The following KIF13B variants were observed in gnomAD, a reference collection of about 807,000 sequenced individuals.
KIF13B encodes kinesin family member 13B.
A neutral mutation model predicts 222.0 loss-of-function variants in KIF13B; 127 were observed. That is an observed-to-expected ratio of 0.57 (90% CI 0.50 to 0.66). KIF13B has a LOEUF of 0.66. KIF13B is among the 30% of genes least tolerant of loss of function. The pLI is 0.00. For missense variants in KIF13B, 2,173 were observed against 2,379.0 expected (o/e 0.91, Z 1.80); for synonymous variants, 976 against 919.0 (o/e 1.06, Z -1.12).
intron 9 of KIF13B, 60 bp downstream of exon 9, chr8:29,177,406 T>C (rs1321392497): frequency 2.7e-6 from 3 of 1,097,656 alleles, no homozygotes; most frequent in East Asian, 4.7e-5. Flanking sequence ...TAACCACAGA[T>C]GTTCCCCTAT....
At chr8:29,122,149 G>A (rs969680000) in intron 29 of KIF13B, among the ~76,000 whole-genome samples, 3 of 152,170 alleles carry the variant, frequency 2.0e-5, no homozygotes, top group African/African-American at 7.2e-5. Context: ...AGCTACTCAG[G>A]AAGCTGAGGC....
Position 29,140,064 on chromosome 8 carries a change from A to C in KIF13B, c.2612T>G (p.Met871Arg), listed in dbSNP as rs770986907. The change falls in exon 21 of 40, where the codon ATG becomes AGG. Residue 871 changes from methionine to arginine, a missense_variant and splice_region_variant. Physicochemically the swap from Met to Arg is moderately conservative, Grantham distance 91. This residue lies in a region of KIF13B where 1,480 missense variants were observed against 1,722.8 expected (regional missense o/e 0.86). Coordinates refer to ENST00000524189, the MANE Select transcript of KIF13B (RefSeq NM_015254.4). Reference protein sequence around the residue: ...KETQENKLVCMVKILQATGLP... With the variant: ...KETQENKLVCRVKILQATGLP... ...TACTAGGATGAAGCTGGGACTTACCATGCACACCAGTTTGTTCTCCTGGGT... is the reference window on the plus strand; with the variant it reads ...TACTAGGATGAAGCTGGGACTTACCCTGCACACCAGTTTGTTCTCCTGGGT... The C allele has an allele frequency of 6.3e-7, 1 of 1,582,342 alleles. No homozygotes were observed.
chr8:29,190,127 C>T (rs1169395186), intron 4 of KIF13B: 1 of 152,210 alleles, frequency 6.6e-6, no homozygotes, highest in Admixed American at 6.5e-5. Flanking sequence ...TGATCTCCTG[C>T]CCTCCTTTTA....
Position 29,155,832 on chromosome 8 carries a change from T to A in KIF13B, c.1429A>T (p.Asn477Tyr). 6.3e-7 allele frequency: 1 copy of A among 1,582,382 alleles called. No homozygotes were observed. Among genetic ancestry groups the A allele is most frequent in the Non-Finnish European group, 8.6e-7 (1 of 1,162,196 alleles). Residue 477 changes from asparagine (N) to tyrosine (Y), a missense_variant, in exon 14 of 40, where the codon AAT becomes TAT. Physicochemically the swap from Asn to Tyr is moderately radical, Grantham distance 143 (BLOSUM62 -2). Transcript: ENST00000524189. ...LKEHTLIGSA[N>Y]SQDIQLCGMG... ...CCGCACAGTTGGATATCTTGGGAAT[T>A]TGCTGACCCTATCAATGTATGTTCC...
intron 17 of KIF13B, 26 bp from the exon 18 acceptor site, chr8:29,146,566 A>G (rs1563739504): frequency 6.3e-7 from 1 of 1,599,894 alleles, no homozygotes; most frequent in Non-Finnish European, 8.5e-7. Context: ...GAAGCGGCAG[A>G]GGTAGGGAAG....
intron 23 of KIF13B, among the ~76,000 whole-genome samples, chr8:29,131,553 T>C (rs532800415): frequency 6.6e-6 from 1 of 152,272 alleles, no homozygotes; most frequent in African/African-American, 2.4e-5. Context: ...TATAATTAGG[T>C]GAAAAGCACA....
intron 10 of KIF13B, 86 bp from the exon 11 acceptor site, chr8:29,167,671 A>C (rs939281287): frequency 1.8e-6 from 2 of 1,111,592 alleles, no homozygotes; most frequent in African/African-American, 3.1e-5. Context: ...AATGGTGAAC[A>C]AATTTCCCCA....
At chr8:29,148,081 T>A (rs1336470919) in intron 16 of KIF13B, among the ~76,000 whole-genome samples, 1 of 152,104 alleles carries the variant, frequency 6.6e-6, no homozygotes, top group Non-Finnish European at 1.5e-5. Flanking sequence ...ACGCCTGTCA[T>A]CCCAGCTACT....
At chr8:29,074,720 C>T (rs1399058224) in intron 38 of KIF13B, among the ~76,000 whole-genome samples, 5 of 152,202 alleles carry the variant, frequency 3.3e-5, no homozygotes, top group African/African-American at 4.8e-5. Flanking sequence ...AGTAAATTCA[C>T]GGAGATCTGA....
At chr8:29,163,336 A>G (rs556474241) in intron 12 of KIF13B, among the ~76,000 whole-genome samples, 73 of 152,342 alleles carry the variant, frequency 4.8e-4, no homozygotes, top group Admixed American at 1.5e-3. Flanking sequence ...GCTGCAGAGA[A>G]TTCTGTGGTA....
At chr8:29,079,560 G>C (rs1807711969) in intron 37 of KIF13B, among the ~76,000 whole-genome samples, 1 of 152,168 alleles carries the variant, frequency 6.6e-6, no homozygotes, top group African/African-American at 2.4e-5. Context: ...AGACTAAATT[G>C]TACAGTTACA....
At chr8:29,195,610 G>T (rs1017007043) in intron 3 of KIF13B, among the ~76,000 whole-genome samples, 1 of 152,236 alleles carries the variant, frequency 6.6e-6, no homozygotes. Flanking sequence ...TTCATGGTCA[G>T]TTAAGAAACA....
intron 1 of KIF13B, among the ~76,000 whole-genome samples, chr8:29,252,294 T>C (rs1204746801): frequency 2.6e-5 from 4 of 152,218 alleles, no homozygotes; most frequent in Non-Finnish European, 4.4e-5. Context: ...CAGCTATGGC[T>C]AGCACCCAGT....
intron 2 of KIF13B, among the ~76,000 whole-genome samples, chr8:29,238,334 A>T (rs1488774431): frequency 3.3e-5 from 5 of 152,198 alleles, no homozygotes. Context: ...CATGGGTCAA[A>T]CTCACTCAAT....
chr8:29,117,551 C>T (rs2129681165), intron 30 of KIF13B, among the ~76,000 whole-genome samples: 1 of 152,296 alleles, frequency 6.6e-6, no homozygotes, highest in South Asian at 2.1e-4. Flanking sequence ...GCAATAGCTC[C>T]TTGGCCCTTC....
intron 6 of KIF13B, among the ~76,000 whole-genome samples, chr8:29,183,099 T>C (rs1470436704): frequency 6.6e-6 from 1 of 152,066 alleles, no homozygotes. Context: ...AAATCACGAA[T>C]GTGTGTCCAC....
chr8:29,102,206 T>C (rs1009899450), intron 35 of KIF13B, among the ~76,000 whole-genome samples: 4 of 152,100 alleles, frequency 2.6e-5, no homozygotes, highest in African/African-American at 9.7e-5. Context: ...GCTCTCTCAA[T>C]AGCTCAGGTC....
At chr8:29,132,188 G>A (rs984087323) in intron 23 of KIF13B, 120 bp downstream of exon 23, 4 of 641,764 alleles carry the variant, frequency 6.2e-6, no homozygotes, top group Admixed American at 3.4e-5. Context: ...AGAGGCTGCA[G>A]TGAGCCAAGA....
At chr8:29,101,309 G>A (rs1282115703) in intron 35 of KIF13B, among the ~76,000 whole-genome samples, 1 of 152,134 alleles carries the variant, frequency 6.6e-6, no homozygotes, top group African/African-American at 2.4e-5. Context: ...CTCACACATG[G>A]CTGTTCTGAA....
Sources: allele counts gnomAD v4.1 joint callset (sites outside exome capture counted in the v4.1 genomes callset), GRCh38; gene constraint gnomAD v4.1.1; regional missense constraint gnomAD v4.1.1; transcripts MANE v1.5; gene names NCBI Gene and HGNC (gene_info 2026-07-23, HGNC 2026-07-21).